Variants in CPNE4 observed in about 807,000 individuals in gnomAD.
The protein encoded by CPNE4 is copine-4.
CPNE4 carries 25 observed loss-of-function variants against 67.9 expected under a neutral mutation model. The ratio of observed to expected loss-of-function variants is 0.37; its 90% CI spans 0.27 to 0.51. The LOEUF (loss-of-function observed/expected upper bound fraction) is 0.51, where lower values mean the gene tolerates loss of function less well. Ranked by LOEUF, CPNE4 falls within the 20% of genes least tolerant of loss-of-function variation. CPNE4 has a pLI of 0.93. For missense variants in CPNE4, 464 were observed against 690.8 expected (o/e 0.67, Z 3.68); for synonymous variants, 242 against 244.9 (o/e 0.99, Z 0.11).
At chr3:131,555,376 C>A in intron 12 of CPNE4, 121 bp downstream of exon 12, 1 of 746,764 alleles carries the variant, frequency 1.3e-6, no homozygotes, top group Non-Finnish European at 2.2e-6. Context: ...CAATTTCTGA[C>A]TCTGTAGGCC....
chr3:131,955,577 G>T (rs2071940496), intron 1 of CPNE4, among the ~76,000 whole-genome samples: 1 of 151,830 alleles, frequency 6.6e-6, no homozygotes, highest in African/African-American at 2.4e-5. Context: ...CTACCAAGTT[G>T]CCAAATGTAT....
At chr3:132,024,588 T>C (rs181418431) in intron 1 of CPNE4, among the ~76,000 whole-genome samples, 11 of 152,338 alleles carry the variant, frequency 7.2e-5, no homozygotes, top group African/African-American at 2.4e-4. Context: ...ATCAGGCTAA[T>C]CACCCTTATA....
intron 2 of CPNE4, among the ~76,000 whole-genome samples, chr3:131,763,602 C>G (rs1408778979): frequency 2.6e-5 from 4 of 152,114 alleles, no homozygotes; most frequent in Non-Finnish European, 4.4e-5. Context: ...GCTTCTGGCT[C>G]TCTAATCAGA....
At chr3:131,795,321 T>C (rs1249880638) in intron 2 of CPNE4, among the ~76,000 whole-genome samples, 2 of 152,156 alleles carry the variant, frequency 1.3e-5, no homozygotes, top group African/African-American at 4.8e-5. Context: ...GAAATAAAAA[T>C]GAGATCCCAA....
intron 7 of CPNE4, among the ~76,000 whole-genome samples, chr3:131,666,140 C>A (rs2080255795): frequency 6.6e-6 from 1 of 151,904 alleles, no homozygotes; most frequent in Non-Finnish European, 1.5e-5. Context: ...ACGTAGCATA[C>A]AAAATATGCT....
intron 1 of CPNE4, among the ~76,000 whole-genome samples, chr3:131,964,545 G>GAA (rs2072285601): frequency 6.6e-6 from 1 of 151,768 alleles, no homozygotes; most frequent in South Asian, 2.1e-4. Flanking sequence ...TGATGGAGCT[G>GAA]AAAAACACAG....
At chr3:131,726,119 G>A (rs1035572432) in intron 2 of CPNE4, among the ~76,000 whole-genome samples, 1 of 152,364 alleles carries the variant, frequency 6.6e-6, no homozygotes, top group Admixed American at 6.5e-5. Context: ...TGCTGGAAGA[G>A]AGTGCTGAAT....
intron 4 of CPNE4, among the ~76,000 whole-genome samples, chr3:131,698,604 T>G: frequency 7.0e-6 from 1 of 143,124 alleles, no homozygotes; most frequent in African/African-American, 2.7e-5. Flanking sequence ...ATTTTTCCTG[T>G]GCTTAAAAAA....
At chr3:131,619,710 A>T (rs1376756826) in intron 7 of CPNE4, among the ~76,000 whole-genome samples, 2 of 152,210 alleles carry the variant, frequency 1.3e-5, no homozygotes, top group African/African-American at 2.4e-5. Flanking sequence ...ACTTTGGCGT[A>T]TTTATTACAC....
chr3:131,541,394 A>G (rs1347523343), intron 15 of CPNE4, among the ~76,000 whole-genome samples: 1 of 152,130 alleles, frequency 6.6e-6, no homozygotes, highest in Non-Finnish European at 1.5e-5. Context: ...CATTTTTTCT[A>G]TGTCATACTA....
intron 7 of CPNE4, among the ~76,000 whole-genome samples, chr3:131,656,730 A>C (rs2079979830): frequency 6.6e-6 from 1 of 152,234 alleles, no homozygotes; most frequent in Admixed American, 6.5e-5. Context: ...GTAAACAAAT[A>C]AACAACGTAA....
At chr3:131,773,939 T>C (rs549402761) in intron 2 of CPNE4, among the ~76,000 whole-genome samples, 99 of 152,304 alleles carry the variant, frequency 6.5e-4, no homozygotes, top group African/African-American at 2.3e-3. Context: ...TACTTAACCA[T>C]TTCCTATTGC....
At chr3:131,559,994 T>C (rs540663015) in intron 11 of CPNE4, among the ~76,000 whole-genome samples, 29 of 152,166 alleles carry the variant, frequency 1.9e-4, no homozygotes, top group African/African-American at 6.7e-4. Context: ...ATTTTAATAT[T>C]TTTTTTAAAA....
At chr3:131,692,388 A>T (rs563693844) in intron 5 of CPNE4, among the ~76,000 whole-genome samples, 1 of 152,320 alleles carries the variant, frequency 6.6e-6, no homozygotes, top group Non-Finnish European at 1.5e-5. Context: ...CTCAATAATT[A>T]TAATTTTCTA....
At position 131,583,593 on chromosome 3, in the gene CPNE4, T is replaced by C. The variant is rs560037236; in HGVS notation, c.781-1928A>G. ...TTATAGTGATCATCCATGAAAAGTC[T>C]ACTCACTTCCTTCTCAGGCTAAGAT... On this transcript the variant is annotated intron_variant, in intron 8 of 15. Transcript: ENST00000429747. 7.2e-5 allele frequency among the ~76,000 whole-genome samples: 11 copies of C among 152,334 alleles called. No homozygotes were observed. In the East Asian group the frequency reaches 2.1e-3, roughly 29 times the overall value.
intron 3 of CPNE4, among the ~76,000 whole-genome samples, chr3:131,705,471 T>G (rs1262626613): frequency 1.3e-5 from 2 of 152,162 alleles, no homozygotes; most frequent in Non-Finnish European, 2.9e-5. Flanking sequence ...TGGAAGGGCT[T>G]TTAAATTAAT....
At chr3:131,963,551 A>G (rs2072247179) in intron 1 of CPNE4, among the ~76,000 whole-genome samples, 1 of 152,134 alleles carries the variant, frequency 6.6e-6, no homozygotes, top group African/African-American at 2.4e-5. Flanking sequence ...TGAGCTTGGT[A>G]GGGGGAGGGG....
chr3:131,547,441 C>A (rs1318190909), intron 14 of CPNE4, among the ~76,000 whole-genome samples: 1 of 102,720 alleles, frequency 9.7e-6, no homozygotes, highest in Non-Finnish European at 1.8e-5. Flanking sequence ...GGGTGATAGA[C>A]CAAGACCCTG....
intron 1 of CPNE4, among the ~76,000 whole-genome samples, chr3:131,957,820 C>G (rs138803136): frequency 4.6e-5 from 7 of 152,272 alleles, no homozygotes; most frequent in African/African-American, 1.7e-4. Flanking sequence ...AGAAAGTGAA[C>G]GAGACGCAGA....
Sources: gnomAD v4.1 joint callset for allele counts (sites outside exome capture counted in the v4.1 genomes callset) on GRCh38, gnomAD v4.1.1 for gene constraint, MANE v1.5 for transcripts, NCBI Gene and HGNC (gene_info 2026-07-23, HGNC 2026-07-21) for gene names.